BDNF: variants seen among roughly 807,000 people sequenced by gnomAD.
The protein encoded by BDNF is brain derived neurotrophic factor.
In BDNF, 1 loss-of-function variant was observed where a neutral mutation model predicts 19.5. The ratio of observed to expected loss-of-function variants is 0.05; its 90% CI spans 0.02 to 0.24. BDNF has a LOEUF of 0.24. BDNF is among the 10% of genes least tolerant of loss of function. The pLI, the probability that BDNF is intolerant of heterozygous loss-of-function variation, is 1.00. For synonymous variants in BDNF, 100 were observed against 121.6 expected, an observed-to-expected ratio of 0.82 and a Z score of 1.17; for missense variants, 195 against 317.6, an observed-to-expected ratio of 0.61 and a Z score of 2.93.
At chr11:27,685,727 C>T (rs1322642781) in intron 1 of BDNF, among the ~76,000 whole-genome samples, 1 of 151,566 alleles carries the variant, frequency 6.6e-6, no homozygotes, top group Non-Finnish European at 1.5e-5. Flanking sequence ...GTTTCTTAAT[C>T]CTGAGTTCTA....
intron 1 of BDNF, among the ~76,000 whole-genome samples, chr11:27,664,105 C>T (rs1277746347): frequency 6.6e-6 from 1 of 151,766 alleles, no homozygotes; most frequent in African/African-American, 2.4e-5. Context: ...AGAGAAAACA[C>T]AGTTTAAAGA....
intron 1 of BDNF, among the ~76,000 whole-genome samples, chr11:27,719,936 G>C (rs1232683167): frequency 1.3e-5 from 2 of 152,006 alleles, no homozygotes; most frequent in East Asian, 1.9e-4. Context: ...TCCACCGCCT[G>C]ATTCTAAATG....
chr11:27,700,753 C>A, upstream of BDNF: 1 of 1,189,836 alleles, frequency 8.4e-7, no homozygotes, highest in African/African-American at 1.6e-5. Context: ...ACGCCCGCGG[C>A]TTCGAGGGGT....
intron 1 of BDNF, chr11:27,699,498 G>A: frequency 6.2e-7 from 1 of 1,613,560 alleles, no homozygotes; most frequent in East Asian, 2.2e-5. Context: ...GGGCGCTTCA[G>A]AAGAGGGGCG....
intron 1 of BDNF, chr11:27,690,966 C>G (rs1170954481): frequency 1.3e-5 from 2 of 151,972 alleles, no homozygotes; most frequent in Non-Finnish European, 2.9e-5. Flanking sequence ...AGTTCTCCCT[C>G]TACTGTGGCT....
rs769259549 is a variant in BDNF, at chr11:27,658,432, T to G, written c.133A>C (p.Ser45Arg). 1.9e-6 allele frequency: 3 copies of G among 1,614,112 alleles called. No individual in the cohort carries two copies. Among genetic ancestry groups the G allele is most frequent in the Non-Finnish European group, 1.7e-6 (2 of 1,180,028 alleles). ...GAACCTGCCTTGGGCCCATTCACGC[T>G]CTCCAGAGTCCCATGGGTCCGCACA... ...PGVRTHGTLESVNGPKAGSRG... is the reference protein window; with the variant it reads ...PGVRTHGTLERVNGPKAGSRG... Residue 45 changes from serine (S) to arginine (R), a missense_variant, in exon 2 of 2, where the codon AGC becomes CGC. Coordinates refer to ENST00000356660, the MANE Select transcript of BDNF (RefSeq NM_001709.5). The surrounding 1 kb of genome is among the most constrained non-coding windows in gnomAD (Gnocchi z 5.7).
exon 1 of BDNF, chr11:27,721,676 T>C: frequency 1.7e-6 from 1 of 573,768 alleles, no homozygotes; most frequent in Non-Finnish European, 3.1e-6. Context: ...GCAAACGCCC[T>C]CACTCCGAGA....
Position 27,656,717 on chromosome 11 carries a change from A to G in BDNF, c.*1104T>C. On this transcript the variant is annotated 3_prime_UTR_variant, in exon 2 of 2. Transcript: ENST00000356660. ...CAAGACATTGTTAAGCCTCACCATG[A>G]GTTTTTTTTAAGCTTAGCCATGATT... is the stretch of plus-strand genomic sequence containing the variant. The G allele has an allele frequency of 1.0e-6, 1 of 985,186 alleles. No homozygotes were observed. Among genetic ancestry groups the G allele is most frequent in the Non-Finnish European group, 1.2e-6 (1 of 829,904 alleles). 61.0% of individuals were successfully genotyped at this position (985,186 alleles called of 1,614,324 possible).
intron 1 of BDNF, chr11:27,719,529 C>A: frequency 8.1e-6 from 8 of 985,436 alleles, no homozygotes; most frequent in Non-Finnish European, 9.6e-6. Flanking sequence ...AGTGAGGCAT[C>A]CGGCCCGGCT....
chr11:27,664,815 G>A (rs1854047634), intron 1 of BDNF, among the ~76,000 whole-genome samples: 1 of 152,012 alleles, frequency 6.6e-6, no homozygotes, highest in Non-Finnish European at 1.5e-5. Flanking sequence ...AATCAATGAA[G>A]GCTCCCGATA....
At chr11:27,671,108 G>C (rs946908315) in intron 1 of BDNF, among the ~76,000 whole-genome samples, 2 of 152,074 alleles carry the variant, frequency 1.3e-5, no homozygotes, top group Admixed American at 1.3e-4. Context: ...ACTGAACAAT[G>C]AGAACACTTG....
intron 1 of BDNF, among the ~76,000 whole-genome samples, chr11:27,718,361 C>CCA (rs1404636596): frequency 6.9e-6 from 1 of 144,160 alleles, no homozygotes; most frequent in Non-Finnish European, 1.5e-5. Flanking sequence ...ACCACCCCCC[C>CCA]CCGCCCCTCC....
chr11:27,695,132 G>A (rs1010345786), intron 1 of BDNF, among the ~76,000 whole-genome samples: 2 of 152,028 alleles, frequency 1.3e-5, no homozygotes, highest in South Asian at 2.1e-4. Flanking sequence ...TAACTGTAGC[G>A]TTGGAAAAAT....
chr11:27,690,195 C>A (rs567002261), intron 1 of BDNF, among the ~76,000 whole-genome samples: 3 of 152,192 alleles, frequency 2.0e-5, no homozygotes, highest in Admixed American at 6.5e-5. Flanking sequence ...CAAAAAAATT[C>A]ACATGTTTAA....
intron 1 of BDNF, among the ~76,000 whole-genome samples, chr11:27,698,692 A>G (rs12289769): frequency 2.0e-4 from 31 of 152,308 alleles, no homozygotes; most frequent in African/African-American, 6.7e-4. Context: ...TAGAAAATCA[A>G]CGTTCCCAAT....
At chr11:27,664,339 TCTTA>T (rs1007404075) in intron 1 of BDNF, among the ~76,000 whole-genome samples, 7 of 152,102 alleles carry the variant, frequency 4.6e-5, no homozygotes, top group African/African-American at 7.2e-5. Flanking sequence ...TACTTTCCAG[TCTTA>T]CTTACCTCCC....
At chr11:27,711,445 A>C (rs1033708956) in intron 1 of BDNF, among the ~76,000 whole-genome samples, 9 of 152,270 alleles carry the variant, frequency 5.9e-5, no homozygotes, top group South Asian at 2.1e-4. Context: ...CTAAAGTAGC[A>C]CTCCTGGAAA....
Position 27,657,467 on chromosome 11 carries a change from T to A in BDNF, c.*354A>T. The A allele has an allele frequency of 9.5e-7, 1 of 1,058,004 alleles. No individual in the cohort carries two copies. The highest frequency in any genetic ancestry group is 3.2e-5 in the South Asian group (1 of 30,938). The allele number at this position is 1,058,004 out of a possible 1,614,324, so 65.5% of individuals were successfully genotyped here. On this transcript the variant is annotated 3_prime_UTR_variant, in exon 2 of 2. Coordinates refer to ENST00000356660, the MANE Select transcript of BDNF (RefSeq NM_001709.5). The surrounding 1 kb of genome is among the most constrained non-coding windows in gnomAD (Gnocchi z 5.0). The stretch of plus-strand genomic sequence containing the variant: ...ATTTTTGTTGTGTGTGTGTGTGTTT[T>A]TTTTCTGTTTTCTGAAAGAGGACAG...
At chr11:27,673,980 T>A (rs1392926475) in intron 1 of BDNF, 1 of 1,436,404 alleles carries the variant, frequency 7.0e-7, no homozygotes. Context: ...AGAATAACAC[T>A]CCTTTTCAAA....
Sources: gnomAD v4.1 joint callset for allele counts (sites outside exome capture counted in the v4.1 genomes callset) on GRCh38, gnomAD v4.1.1 for gene constraint, Gnocchi (gnomAD v3.1) non-coding constraint, MANE v1.5 for transcripts, NCBI Gene and HGNC (gene_info 2026-07-23, HGNC 2026-07-21) for gene names.